DGKQ: variants seen among roughly 807,000 people sequenced by gnomAD.
DGKQ encodes the protein DAG kinase theta.
A neutral mutation model predicts 104.2 loss-of-function variants in DGKQ; 97 were observed. That is an observed-to-expected ratio of 0.93 (90% CI 0.79 to 1.10). The LOEUF (loss-of-function observed/expected upper bound fraction) is 1.10. Among genes scored for constraint, DGKQ ranks in the 50% least tolerant of loss-of-function variants. The pLI is 0.00. For synonymous variants in DGKQ, 736 were observed against 595.2 expected (o/e 1.24, Z -3.44); for missense variants, 1,465 against 1,352.1 (o/e 1.08, Z -1.31).
At position 973,561 on chromosome 4, in the gene DGKQ, C is replaced by T. The variant is rs1713120507; in HGVS notation, c.-79G>A. 7 of 980,536 alleles carry T rather than the reference C, an allele frequency of 7.1e-6. No homozygotes were observed. Among genetic ancestry groups the T allele is most frequent in the Admixed American group, 6.2e-5 (1 of 16,202 alleles). The allele number at this position is 980,536 out of a possible 1,614,324, so 60.7% of individuals were successfully genotyped here. ...CGCCGCTCCACGGCCCGGTACACTG[C>T]TTCCGACTGCGCCTGCCCCACTGCG... is the stretch of plus-strand genomic sequence containing the variant. On this transcript the variant is annotated 5_prime_UTR_variant, in exon 1 of 23. Transcript: ENST00000273814.
At position 960,603 on chromosome 4, in the gene DGKQ, G is replaced by C. The variant is rs1257668449; in HGVS notation, c.*17C>G. The C allele has an allele frequency of 1.9e-6, 3 of 1,605,730 alleles. No individual in the cohort carries two copies. The highest frequency in any genetic ancestry group is 2.6e-6 in the Non-Finnish European group (3 of 1,175,592). On this transcript the variant is annotated 3_prime_UTR_variant, in exon 23 of 23. Coordinates refer to ENST00000273814, the MANE Select transcript of DGKQ (RefSeq NM_001347.4). ...GGAGCAGAGATGGCTCGAGCCCTTG[G>C]GCTGCCCCAGCCACCCCTACCTAGG...
At position 959,364 on chromosome 4, in the gene DGKQ, A is replaced by G. The variant is rs1711689646; in HGVS notation, c.*1256T>C. 1 of 151,996 alleles carries G rather than the reference A, an allele frequency of 6.6e-6. No homozygotes were observed. Among genetic ancestry groups the G allele is most frequent in the African/African-American group, 2.4e-5 (1 of 41,336 alleles). The allele number at this position is 151,996 out of a possible 1,614,324, so 9.4% of individuals were successfully genotyped here. A position where few individuals can be genotyped will look rare whatever the true frequency, so the allele number is the denominator to read the frequency against. ...CTGTGCCCCACAAGGGAAGGGGGAG[A>G]TCCGCACCGTGGGACCGTTTCTCGT... On this transcript the variant is annotated 3_prime_UTR_variant, in exon 23 of 23. Transcript: ENST00000273814.
rs776161392 is a variant in DGKQ, at chr4:965,167, C to T, written c.1734+9G>A. 3.1e-6 allele frequency: 5 copies of T among 1,611,338 alleles called. No homozygotes were observed. The South Asian group carries it at 4.4e-5, about 14-fold the overall frequency. ...GGTGTGTGAAGAGCCGGCTTGACCG[C>T]ACACTCACCAGCAGGTCGGGGAGCA... On this transcript the variant is annotated intron_variant, in intron 15 of 22. Coordinates refer to ENST00000273814, the MANE Select transcript of DGKQ (RefSeq NM_001347.4).
At chr4:970,863 G>GT (rs756669241) in intron 2 of DGKQ, 130 bp downstream of exon 2, 46 of 661,852 alleles carry the variant, frequency 7.0e-5, no homozygotes, top group Non-Finnish European at 1.0e-4. Context: ...ATCCCGAGCA[G>GT]TATCTGCCCT....
chr4:966,152 C>T (rs574690122), intron 12 of DGKQ, 74 bp from the exon 13 acceptor site: 14 of 1,436,076 alleles, frequency 9.7e-6, no homozygotes, highest in Admixed American at 8.7e-5. Flanking sequence ...TCTCCTCACC[C>T]GCAAAACAGC....
chr4:970,125 C>T (rs1466057098), intron 2 of DGKQ, among the ~76,000 whole-genome samples: 3 of 152,342 alleles, frequency 2.0e-5, no homozygotes, highest in East Asian at 1.9e-4. Context: ...TGCTCACACC[C>T]GGGGAACTGC....
chr4:965,865 C>T (rs1353233215), intron 13 of DGKQ, 63 bp downstream of exon 13: 4 of 1,486,142 alleles, frequency 2.7e-6, no homozygotes, highest in South Asian at 1.3e-5. Flanking sequence ...CACTGCAGCC[C>T]CACTGCCTGC....
At chr4:968,112 C>G (rs995430861) in intron 5 of DGKQ, 85 bp from the exon 6 acceptor site, 1 of 1,022,692 alleles carries the variant, frequency 9.8e-7, no homozygotes, top group Admixed American at 3.6e-5. Context: ...AGACCCCACA[C>G]GACGCAGACC....
chr4:967,409 G>C, intron 8 of DGKQ, 48 bp from the exon 9 acceptor site: 1 of 1,347,354 alleles, frequency 7.4e-7, no homozygotes, highest in Non-Finnish European at 1.0e-6. Context: ...GGTCAGGCGG[G>C]GTTCAGTGGG....
intron 1 of DGKQ, among the ~76,000 whole-genome samples, chr4:972,323 G>A (rs1712994630): frequency 6.6e-6 from 1 of 152,142 alleles, no homozygotes; most frequent in Non-Finnish European, 1.5e-5. Context: ...AGAAGCTGGC[G>A]GGCCAGGCCA....
chr4:965,425 G>A (rs1354284841), intron 14 of DGKQ, 66 bp downstream of exon 14: 10 of 1,566,560 alleles, frequency 6.4e-6, no homozygotes, highest in Non-Finnish European at 8.7e-6. Context: ...GAGGGCCAGG[G>A]CTGTCCCACT....
chr4:968,590 G>C, intron 3 of DGKQ, 26 bp from the exon 4 acceptor site: 3 of 1,575,968 alleles, frequency 1.9e-6, no homozygotes, highest in Non-Finnish European at 2.6e-6. Flanking sequence ...GGTTAGAGGT[G>C]TCTGCCGCCC....
rs1712896098 is a variant in DGKQ at position 971,107 on chromosome 4, T to A, written c.272-35A>T. On this transcript the variant is annotated intron_variant, in intron 1 of 22. Coordinates refer to ENST00000273814, the MANE Select transcript of DGKQ (RefSeq NM_001347.4). The surrounding 1 kb of genome is among the most constrained non-coding windows in gnomAD (Gnocchi z 4.0). ...TGAGCACTGTGTGAGTTGGCCCCTGTCCTACCCAATGGCTGTCCTACCCAG... is the reference window on the plus strand; with the variant it reads ...TGAGCACTGTGTGAGTTGGCCCCTGACCTACCCAATGGCTGTCCTACCCAG... 3.3e-6 allele frequency: 5 copies of A among 1,494,558 alleles called. No homozygotes were observed. Among genetic ancestry groups the A allele is most frequent in the Non-Finnish European group, 1.8e-6 (2 of 1,096,388 alleles). The allele number at this position is 1,494,558 out of a possible 1,614,324, so 92.6% of individuals were successfully genotyped here.
In DGKQ at chr4:962,095, C is replaced by G. The variant is rs370196598; in HGVS notation, c.2215-13G>C. 47 of 1,605,554 alleles carry G rather than the reference C, an allele frequency of 2.9e-5. No individual in the cohort carries two copies. In the African/African-American group the frequency reaches 4.5e-4, roughly 15 times the overall value. On this transcript the variant is annotated splice_polypyrimidine_tract_variant and intron_variant, in intron 18 of 22. Coordinates refer to ENST00000273814, the MANE Select transcript of DGKQ (RefSeq NM_001347.4). Reference sequence around the variant, plus strand: ...TCATCTGCACGATCTGGGGACAGGGCGTTCATCTCCCAGGACCCGGCCGCC... The same window carrying G: ...TCATCTGCACGATCTGGGGACAGGGGGTTCATCTCCCAGGACCCGGCCGCC...
intron 3 of DGKQ, 115 bp from the exon 4 acceptor site, chr4:968,679 T>C (rs903954301): frequency 2.2e-5 from 30 of 1,355,010 alleles, no homozygotes; most frequent in Middle Eastern, 2.6e-4. Context: ...TTAAGTGTCC[T>C]GTGGCCTGCC....
chr4:966,220 G>A (rs1393201810), intron 12 of DGKQ, 142 bp from the exon 13 acceptor site: 2 of 966,742 alleles, frequency 2.1e-6, no homozygotes, highest in Admixed American at 2.5e-5. Context: ...CGAGGAAAGG[G>A]GCCACAGAGG....
Position 962,896 on chromosome 4 carries a change from G to A in DGKQ, c.1911C>T (p.Pro637=). The change falls in exon 17 of 23, where the codon CCC becomes CCT. Residue 637 remains proline, a synonymous_variant. Coordinates refer to ENST00000273814, the MANE Select transcript of DGKQ (RefSeq NM_001347.4). ...LPGLHLFSQV[P]CFRVLVCGGD... is the part of the protein sequence containing the mutation. ...CACCACACACCAGCACCCGGAAGCA[G>A]GGCACCTGGGAGAACAGGTGGAGCC... The A allele has an allele frequency of 6.2e-7, 1 of 1,609,640 alleles. No homozygotes were observed. The highest frequency in any genetic ancestry group is 8.5e-7 in the Non-Finnish European group (1 of 1,178,636).
In DGKQ at chr4:961,516, A is replaced by G. The variant is rs1410418148; in HGVS notation, c.2525T>C (p.Met842Thr). Residue 842 changes from methionine to threonine, a missense_variant, in exon 21 of 23, where the codon ATG (methionine) becomes ACG (threonine). Transcript: ENST00000273814. ...CACAACCTCCAGCAGCCCGTCGTCC[A>G]TGCGTGGCTTCTCAAACCTGGTGTC... is the stretch of plus-strand genomic sequence containing the variant. ...DSDTRFEKPR[M>T]DDGLLEVVGV... The G allele has an allele frequency of 3.1e-6, 5 of 1,609,110 alleles. No individual in the cohort carries two copies. The highest frequency in any genetic ancestry group is 1.3e-5 in the African/African-American group (1 of 74,772).
chr4:963,569 T>G lies in DGKQ; in HGVS notation c.1735-279A>C, dbSNP rs555654716. Reference sequence around the variant, plus strand: ...CCTCAGACCTGCCCACTGAGCTGCGTGTGAACAGACCACACCCGCCTGGGC... The same window carrying G: ...CCTCAGACCTGCCCACTGAGCTGCGGGTGAACAGACCACACCCGCCTGGGC... On this transcript the variant is annotated intron_variant, in intron 15 of 22. Coordinates refer to ENST00000273814, the MANE Select transcript of DGKQ (RefSeq NM_001347.4). Among the ~76,000 whole-genome samples the G allele has an allele frequency of 2.3e-3, 346 of 152,322 alleles. 3 individuals carry two copies. Among genetic ancestry groups the G allele is most frequent in the African/African-American group, 7.7e-3 (320 of 41,584 alleles).
Sources: gnomAD v4.1 joint callset for allele counts (sites outside exome capture counted in the v4.1 genomes callset) on GRCh38, gnomAD v4.1.1 for gene constraint, Gnocchi (gnomAD v3.1) non-coding constraint, MANE v1.5 for transcripts, NCBI Gene and HGNC (gene_info 2026-07-23, HGNC 2026-07-21) for gene names.